The following PKHD1 variants were observed in gnomAD, a reference collection of about 807,000 sequenced individuals.
PKHD1 encodes the protein PKHD1 ciliary IPT domain containing fibrocystin/polyductin.
In PKHD1, 291 loss-of-function variants were observed where a neutral mutation model predicts 412.0. That is an observed-to-expected ratio of 0.71 (90% confidence interval 0.64 to 0.78). The LOEUF is 0.78. PKHD1 is among the 30% of genes least tolerant of loss of function. The pLI is 0.00. For missense variants in PKHD1, 4,825 were observed against 4,950.7 expected (o/e 0.97, Z 0.76); for synonymous variants, 1,777 against 1,821.5 (o/e 0.98, Z 0.62).
At chr6:51,645,550 T>C (rs191537166) in intron 63 of PKHD1, among the ~76,000 whole-genome samples, 140 of 152,206 alleles carry the variant, frequency 9.2e-4, no homozygotes, top group Non-Finnish European at 1.6e-3. Context: ...ATGCCCACCA[T>C]GCCCGGCTAA....
chr6:51,649,269 C>A (rs778284994), intron 61 of PKHD1, 49 bp from the exon 62 acceptor site: 3 of 1,423,802 alleles, frequency 2.1e-6, no homozygotes, highest in Admixed American at 1.7e-5. Context: ...TTACACATAT[C>A]CCTATGGTAG....
intron 18 of PKHD1, among the ~76,000 whole-genome samples, chr6:52,056,142 T>A (rs981114750): frequency 2.0e-5 from 3 of 152,146 alleles, no homozygotes; most frequent in African/African-American, 7.2e-5. Flanking sequence ...AAGAAACTCA[T>A]TCTGTGTTCC....
At chr6:51,625,865 A>T (rs1767162569) in intron 66 of PKHD1, among the ~76,000 whole-genome samples, 2 of 152,170 alleles carry the variant, frequency 1.3e-5, no homozygotes, top group African/African-American at 4.8e-5. Flanking sequence ...AAAAACCAAA[A>T]TTAGAATAAT....
chr6:52,020,871 T>C (rs1801294282), intron 33 of PKHD1, among the ~76,000 whole-genome samples: 1 of 151,440 alleles, frequency 6.6e-6, no homozygotes, highest in South Asian at 2.1e-4. Flanking sequence ...CTAAGACCTA[T>C]CCCCTTTGAC....
At chr6:52,080,064 A>G in intron 4 of PKHD1, 56 bp from the exon 5 acceptor site, 1 of 1,002,858 alleles carries the variant, frequency 1.0e-6, no homozygotes, top group Non-Finnish European at 1.6e-6. Context: ...TCCCAAAGCT[A>G]GCAGCCCACT....
At position 51,615,371 on chromosome 6, in the gene PKHD1, T is replaced by C. The variant is rs914989147; in HGVS notation, c.*3710A>G. On this transcript the variant is annotated 3_prime_UTR_variant, in exon 67 of 67. Transcript: ENST00000371117. Reference sequence around the variant, plus strand: ...TAAGTTTACAGAAATGTTTTATTTCTTTTTGAAAATTACCTTGTAGAAATG... The same window carrying C: ...TAAGTTTACAGAAATGTTTTATTTCCTTTTGAAAATTACCTTGTAGAAATG... The C allele has an allele frequency of 2.6e-5, 4 of 152,214 alleles. No individual in the cohort carries two copies. In the East Asian group the frequency reaches 5.8e-4, roughly 22 times the overall value. 9.4% of individuals were successfully genotyped at this position (152,214 alleles called of 1,614,324 possible). A position where few individuals can be genotyped will look rare whatever the true frequency, so the allele number is the denominator to read the frequency against.
chr6:51,762,504 A>G (rs12665432), intron 55 of PKHD1, among the ~76,000 whole-genome samples: 48,581 of 151,932 alleles, frequency 0.32, 9,650 homozygotes, highest in East Asian at 0.69. Context: ...TAATTTAGAG[A>G]TAAATTGATA....
At chr6:52,083,044 G>A (rs138975337) in intron 3 of PKHD1, 134 bp downstream of exon 3, 1 of 708,502 alleles carries the variant, frequency 1.4e-6, no homozygotes, top group Non-Finnish European at 2.6e-6. Flanking sequence ...GACAGAAGTT[G>A]GTCAGTCTGT....
intron 55 of PKHD1, 86 bp downstream of exon 55, chr6:51,772,616 A>C (rs1370686365): frequency 2.9e-6 from 2 of 679,836 alleles, no homozygotes; most frequent in African/African-American, 3.6e-5. Context: ...TAACCTAAAA[A>C]TCAGTTTCAT....
At chr6:51,815,577 G>C (rs1440265730) in intron 52 of PKHD1, among the ~76,000 whole-genome samples, 1 of 152,118 alleles carries the variant, frequency 6.6e-6, no homozygotes, top group Non-Finnish European at 1.5e-5. Context: ...AGAAGAATGA[G>C]TAGATAAGTA....
intron 64 of PKHD1, among the ~76,000 whole-genome samples, chr6:51,636,868 T>C (rs1411176139): frequency 6.6e-6 from 1 of 152,212 alleles, no homozygotes; most frequent in East Asian, 1.9e-4. Context: ...CTCTCCAAAT[T>C]TAAACTTTTA....
chr6:51,935,195 C>G (rs1787276160), intron 36 of PKHD1, among the ~76,000 whole-genome samples: 1 of 152,162 alleles, frequency 6.6e-6, no homozygotes, highest in African/African-American at 2.4e-5. Context: ...CTCTTATTGG[C>G]AACCAGATAA....
intron 63 of PKHD1, among the ~76,000 whole-genome samples, chr6:51,643,594 G>A (rs1273307315): frequency 1.3e-5 from 2 of 152,192 alleles, no homozygotes; most frequent in Non-Finnish European, 2.9e-5. Flanking sequence ...ACTGAGGAGA[G>A]CAAGACCTCA....
At chr6:51,738,538 T>A (rs992514891) in intron 60 of PKHD1, among the ~76,000 whole-genome samples, 1 of 152,350 alleles carries the variant, frequency 6.6e-6, no homozygotes, top group Admixed American at 6.5e-5. Flanking sequence ...TGGTTAACCA[T>A]GTGAGATGAT....
At chr6:52,045,902 A>G (rs1805725077) in intron 24 of PKHD1, 102 bp downstream of exon 24, 2 of 828,258 alleles carry the variant, frequency 2.4e-6, no homozygotes, top group Admixed American at 4.0e-5. Context: ...CAACAAAATT[A>G]ATAATTCATG....
At chr6:52,061,279 T>G (rs1236661859) in intron 14 of PKHD1, among the ~76,000 whole-genome samples, 1 of 152,102 alleles carries the variant, frequency 6.6e-6, no homozygotes, top group African/African-American at 2.4e-5. Context: ...CAGCCCTAAC[T>G]CCTGAGCTCA....
chr6:52,045,126 A>C, intron 24 of PKHD1, 38 bp from the exon 25 acceptor site: 1 of 1,606,364 alleles, frequency 6.2e-7, no homozygotes, highest in Non-Finnish European at 8.5e-7. Context: ...CTGTCATGGA[A>C]CCGAAATCTA....
chr6:51,896,938 T>C (rs1196586169), intron 43 of PKHD1, among the ~76,000 whole-genome samples: 2 of 151,828 alleles, frequency 1.3e-5, no homozygotes, highest in Non-Finnish European at 2.9e-5. Context: ...GTGAATGAAA[T>C]GAAGCGAGAA....
rs1350233261 is a variant in PKHD1, at chr6:51,615,755, C to A, written c.*3326G>T. On this transcript the variant is annotated 3_prime_UTR_variant, in exon 67 of 67. Coordinates refer to ENST00000371117, the MANE Select transcript of PKHD1 (RefSeq NM_138694.4). ...TGATAGATGGAAGGGAGTCATTCAA[C>A]TAAATTGTTGAAAGGGGAAGGCCCT... The A allele has an allele frequency of 6.6e-6, 1 of 152,140 alleles. No homozygotes were observed. The highest frequency in any genetic ancestry group is 6.6e-5 in the Admixed American group (1 of 15,256). The allele number at this position is 152,140 out of a possible 1,614,324, so 9.4% of individuals were successfully genotyped here.
Sources: gnomAD v4.1 joint callset for allele counts (sites outside exome capture counted in the v4.1 genomes callset) on GRCh38, gnomAD v4.1.1 for gene constraint, MANE v1.5 for transcripts, NCBI Gene and HGNC (gene_info 2026-07-23, HGNC 2026-07-21) for gene names.